The following LAMA2 variants were observed in gnomAD, a reference collection of about 807,000 sequenced individuals.
The protein encoded by LAMA2 is laminin subunit alpha-2.
Under a neutral mutation model 364.8 loss-of-function variants are expected in LAMA2, and 269 were observed. That is an observed-to-expected ratio of 0.74 (90% CI 0.67 to 0.82). The LOEUF (loss-of-function observed/expected upper bound fraction) is 0.82, where lower values mean the gene tolerates loss of function less well. LAMA2 is among the 40% of genes least tolerant of loss of function. LAMA2 has a pLI of 0.00. For synonymous variants in LAMA2, 1,379 were observed against 1,370.6 expected (o/e 1.01, Z -0.14); for missense variants, 3,807 against 3,873.2 (o/e 0.98, Z 0.45).
intron 9 of LAMA2, among the ~76,000 whole-genome samples, chr6:129,172,238 G>T (rs1024149767): frequency 5.9e-5 from 9 of 152,112 alleles, no homozygotes; most frequent in Non-Finnish European, 1.2e-4. Flanking sequence ...TCCTTTGGAG[G>T]AGGAGAGGCA....
At chr6:128,941,692 A>G (rs1780170611) in intron 1 of LAMA2, among the ~76,000 whole-genome samples, 2 of 152,238 alleles carry the variant, frequency 1.3e-5, no homozygotes, top group South Asian at 4.1e-4. Context: ...AATAATGGAG[A>G]TGGTAAATAT....
At position 129,400,117 on chromosome 6, in the gene LAMA2, T is replaced by C. The variant is rs142629649; in HGVS notation, c.5446-1107T>C. On this transcript the variant is annotated intron_variant, in intron 37 of 64. Coordinates refer to ENST00000421865, the MANE Select transcript of LAMA2 (RefSeq NM_000426.4). Reference sequence around the variant, plus strand: ...TGTCTGATGAGGGACCACTTTCTGGTTCATAGACACCGTTTTCACTGTGTC... The same window carrying C: ...TGTCTGATGAGGGACCACTTTCTGGCTCATAGACACCGTTTTCACTGTGTC... 1.7e-3 allele frequency among the ~76,000 whole-genome samples: 255 copies of C among 152,272 alleles called. 1 individual carries two copies. Among genetic ancestry groups the C allele is most frequent in the African/African-American group, 5.7e-3 (237 of 41,546 alleles).
chr6:129,214,198 A>C (rs976161644), intron 12 of LAMA2, among the ~76,000 whole-genome samples: 7 of 152,178 alleles, frequency 4.6e-5, no homozygotes, highest in African/African-American at 1.7e-4. Context: ...GGACAGGTGC[A>C]TTTGGTCAAG....
chr6:129,303,189 C>A (rs753537722), intron 22 of LAMA2, among the ~76,000 whole-genome samples: 30 of 152,088 alleles, frequency 2.0e-4, no homozygotes, highest in Middle Eastern at 3.4e-3. Context: ...TAAATGTATC[C>A]GTTTCATATT....
chr6:129,464,193 A>T (rs1783415240), intron 49 of LAMA2, 97 bp from the exon 50 acceptor site: 1 of 1,078,952 alleles, frequency 9.3e-7, no homozygotes, highest in Admixed American at 1.7e-5. Context: ...TTCCTGCCCT[A>T]CAACAGCCTA....
At chr6:128,887,267 G>A (rs1289706357) in intron 1 of LAMA2, among the ~76,000 whole-genome samples, 1 of 151,790 alleles carries the variant, frequency 6.6e-6, no homozygotes, top group African/African-American at 2.4e-5. Flanking sequence ...CCATAAACCT[G>A]GAATTAATTT....
At chr6:129,188,316 C>A (rs1408238512) in intron 10 of LAMA2, among the ~76,000 whole-genome samples, 4 of 151,806 alleles carry the variant, frequency 2.6e-5, no homozygotes, top group African/African-American at 9.7e-5. Context: ...TTTTCAAGGT[C>A]ATTTTACTAG....
intron 3 of LAMA2, among the ~76,000 whole-genome samples, chr6:129,081,644 T>G (rs1477444054): frequency 1.3e-5 from 2 of 152,174 alleles, no homozygotes; most frequent in Non-Finnish European, 2.9e-5. Flanking sequence ...GTCAAAATCA[T>G]TTCCAGAAGT....
chr6:128,994,724 C>T (rs191148738), intron 1 of LAMA2, among the ~76,000 whole-genome samples: 1 of 152,174 alleles, frequency 6.6e-6, no homozygotes, highest in East Asian at 1.9e-4. Context: ...AAATTAAAAA[C>T]TTTAAGCAGG....
At chr6:129,504,773 C>T (rs1785922754) in intron 60 of LAMA2, among the ~76,000 whole-genome samples, 1 of 152,208 alleles carries the variant, frequency 6.6e-6, no homozygotes, top group Admixed American at 6.5e-5. Context: ...AGGGATGTAG[C>T]GTATCTGAAA....
intron 4 of LAMA2, among the ~76,000 whole-genome samples, chr6:129,121,741 G>A (rs371982060): frequency 1.2e-4 from 18 of 152,138 alleles, no homozygotes; most frequent in African/African-American, 4.1e-4. Context: ...CGAGAAACTA[G>A]GGAAAAAGCT....
At chr6:129,050,712 G>A (rs1009274795) in intron 2 of LAMA2, among the ~76,000 whole-genome samples, 4 of 152,162 alleles carry the variant, frequency 2.6e-5, no homozygotes, top group South Asian at 4.1e-4. Context: ...CTAGTTACTC[G>A]GGGAGCTACA....
intron 58 of LAMA2, among the ~76,000 whole-genome samples, chr6:129,494,158 A>G (rs992565124): frequency 6.6e-6 from 1 of 152,082 alleles, no homozygotes; most frequent in Admixed American, 6.5e-5. Flanking sequence ...TTTACAGCTC[A>G]TGTGTTGTGG....
At chr6:129,206,293 C>A (rs1439051470) in intron 12 of LAMA2, among the ~76,000 whole-genome samples, 1 of 152,180 alleles carries the variant, frequency 6.6e-6, no homozygotes. Flanking sequence ...AGAGTCACAT[C>A]TAGCATTTGC....
At chr6:129,026,535 G>A (rs1181170100) in intron 1 of LAMA2, among the ~76,000 whole-genome samples, 1 of 152,132 alleles carries the variant, frequency 6.6e-6, no homozygotes, top group Non-Finnish European at 1.5e-5. Context: ...AGAAGAAAGA[G>A]AATTTATTGT....
At chr6:129,046,336 A>C (rs1397180097) in intron 1 of LAMA2, among the ~76,000 whole-genome samples, 1 of 152,204 alleles carries the variant, frequency 6.6e-6, no homozygotes, top group Non-Finnish European at 1.5e-5. Context: ...TAGGTTTAAT[A>C]GACTCACAGT....
intron 4 of LAMA2, among the ~76,000 whole-genome samples, chr6:129,113,348 T>C (rs1776271789): frequency 6.6e-6 from 1 of 152,014 alleles, no homozygotes; most frequent in Non-Finnish European, 1.5e-5. Flanking sequence ...ATCAATCCAG[T>C]TGGCAGGAGA....
chr6:129,492,524 C>T, intron 58 of LAMA2, 41 bp downstream of exon 58: 1 of 1,558,588 alleles, frequency 6.4e-7, no homozygotes, highest in Admixed American at 1.7e-5. Context: ...TAATTTTTAC[C>T]CAGTATTCTG....
chr6:129,279,461 T>C (rs1277659759), intron 17 of LAMA2, among the ~76,000 whole-genome samples: 1 of 152,120 alleles, frequency 6.6e-6, no homozygotes, highest in Non-Finnish European at 1.5e-5. Context: ...AAGGTTGCTT[T>C]TGTTTGGTTA....
Sources: gnomAD v4.1 joint callset for allele counts (sites outside exome capture counted in the v4.1 genomes callset) on GRCh38, gnomAD v4.1.1 for gene constraint, MANE v1.5 for transcripts, NCBI Gene and HGNC (gene_info 2026-07-23, HGNC 2026-07-21) for gene names.